FLT4: variants seen among roughly 807,000 people sequenced by gnomAD.
The protein encoded by FLT4 is vascular endothelial growth factor receptor 3.
FLT4 carries 30 observed loss-of-function variants against 163.2 expected under a neutral mutation model. The ratio of observed to expected loss-of-function variants is 0.18; its 90% confidence interval spans 0.14 to 0.25. The LOEUF is 0.25. Ranked by LOEUF, FLT4 falls within the 10% of genes least tolerant of loss-of-function variation. The pLI is 1.00. For synonymous variants in FLT4, 884 were observed against 789.5 expected (o/e 1.12, Z -2.01); for missense variants, 1,510 against 1,863.8 (o/e 0.81, Z 3.50).
intron 1 of FLT4, 137 bp downstream of exon 1, chr5:180,649,351 T>A: frequency 2.0e-6 from 1 of 495,214 alleles, no homozygotes; most frequent in Non-Finnish European, 3.1e-6. Context: ...CGTGCTCCCC[T>A]CAGGCGTCCG....
At chr5:180,608,517 CCA>C (rs1347622673) in intron 29 of FLT4, among the ~76,000 whole-genome samples, 1 of 152,128 alleles carries the variant, frequency 6.6e-6, no homozygotes, top group Non-Finnish European at 1.5e-5. Flanking sequence ...TCTCTTATCT[CCA>C]CACACGGGGA....
rs1763172445 is a variant in FLT4, at chr5:180,621,843, C to T, written c.1719G>A (p.Pro573=). Residue 573 remains proline, a synonymous_variant, in exon 13 of 30, where the codon CCG becomes CCA. Coordinates refer to ENST00000261937, the MANE Select transcript of FLT4 (RefSeq NM_182925.5). ...TGTCGGCTTGGCAGCTCAGGAGCAC[C>T]GGCTGGCCCTCTAGTAGCTCCTCGG... is the stretch of plus-strand genomic sequence containing the variant. ...KPSEELLEGQ[P]VLLSCQADSY... is the part of the protein sequence containing the mutation. 3 of 1,613,170 alleles carry T rather than the reference C, an allele frequency of 1.9e-6. No homozygotes were observed. The highest frequency in any genetic ancestry group is 1.1e-5 in the South Asian group (1 of 91,092).
chr5:180,621,063 G>A (rs1416848911), intron 14 of FLT4, 43 bp downstream of exon 14: 14 of 1,612,216 alleles, frequency 8.7e-6, no homozygotes, highest in Middle Eastern at 1.6e-4. Context: ...CGTCGGCCTC[G>A]CGGGCCTCCG....
At chr5:180,637,719 G>A (rs546661952) in intron 1 of FLT4, among the ~76,000 whole-genome samples, 114 of 152,210 alleles carry the variant, frequency 7.5e-4, no homozygotes, top group African/African-American at 2.5e-3. Flanking sequence ...TTTAGTAGAC[G>A]GGGCTTCTCC....
At chr5:180,604,644 C>T (rs886392893) in intron 29 of FLT4, among the ~76,000 whole-genome samples, 2 of 152,180 alleles carry the variant, frequency 1.3e-5, no homozygotes, top group East Asian at 1.9e-4. Context: ...CTCTGCCTGC[C>T]CTATCATGCA....
At chr5:180,627,308 G>T (rs1325950158) in intron 8 of FLT4, among the ~76,000 whole-genome samples, 1 of 152,208 alleles carries the variant, frequency 6.6e-6, no homozygotes, top group African/African-American at 2.4e-5. Flanking sequence ...AGGGGCCCGG[G>T]GGGAGTGCCT....
intron 1 of FLT4, among the ~76,000 whole-genome samples, chr5:180,648,017 C>G (rs537711992): frequency 6.6e-6 from 1 of 152,324 alleles, no homozygotes; most frequent in South Asian, 2.1e-4. Flanking sequence ...CCGGGTCTCT[C>G]TCTTCCTCTC....
chr5:180,615,783 C>T (rs1337626534), intron 23 of FLT4, among the ~76,000 whole-genome samples: 2 of 15,164 alleles, frequency 1.3e-4, no homozygotes, highest in African/African-American at 3.0e-4. Flanking sequence ...CACTGGGCCC[C>T]GCCGGTCACC....
intron 1 of FLT4, among the ~76,000 whole-genome samples, chr5:180,646,330 T>C (rs1581721070): frequency 1.3e-5 from 2 of 152,174 alleles, no homozygotes; most frequent in African/African-American, 4.8e-5. Context: ...TTGCAGTTCC[T>C]GTCTCCCCTG....
In FLT4 at chr5:180,603,010, G is replaced by A; in HGVS notation, c.*182C>T. The stretch of plus-strand genomic sequence containing the variant: ...GTGGCCCTGGCCAGTCGTGGTGACG[G>A]AATTCCGGGAGCCTTGGGCCTGGAG... On this transcript the variant is annotated 3_prime_UTR_variant, in exon 30 of 30. Coordinates refer to ENST00000261937, the MANE Select transcript of FLT4 (RefSeq NM_182925.5). The A allele has an allele frequency of 1.5e-6, 1 of 651,936 alleles. No homozygotes were observed. Among genetic ancestry groups the A allele is most frequent in the Non-Finnish European group, 2.7e-6 (1 of 371,968 alleles). The allele number at this position is 651,936 out of a possible 1,614,324, so 40.4% of individuals were successfully genotyped here.
chr5:180,628,307 G>C (rs1185992665), intron 8 of FLT4, among the ~76,000 whole-genome samples: 1 of 152,336 alleles, frequency 6.6e-6, no homozygotes, highest in South Asian at 2.1e-4. Flanking sequence ...AGCCAGCGGA[G>C]ACAGGGCCAC....
chr5:180,604,250 C>T (rs1329442451), intron 29 of FLT4, among the ~76,000 whole-genome samples: 1 of 152,062 alleles, frequency 6.6e-6, no homozygotes, highest in African/African-American at 2.4e-5. Flanking sequence ...TCTGTCTTGC[C>T]CATCTCAGTG....
At chr5:180,649,296 C>A (rs1765634726) in intron 1 of FLT4, among the ~76,000 whole-genome samples, 192 bp downstream of exon 1, 1 of 151,946 alleles carries the variant, frequency 6.6e-6, no homozygotes, top group Admixed American at 6.5e-5. Context: ...CGGCTGCGGT[C>A]CCCGCCCGCC....
chr5:180,649,361 G>C (rs1346088469), intron 1 of FLT4, 127 bp downstream of exon 1: 1 of 563,612 alleles, frequency 1.8e-6, no homozygotes, highest in Non-Finnish European at 2.7e-6. Flanking sequence ...TCAGGCGTCC[G>C]CGCACCAGGG....
chr5:180,609,070 A>G lies in FLT4; in HGVS notation c.3808-17T>C. ...CTGGTTGTCCTGTGTGGAGAGGACA[A>G]GCCAGGCTGTGGGTCCCGCCTGAGG... On this transcript the variant is annotated splice_polypyrimidine_tract_variant and intron_variant, in intron 28 of 29. Coordinates refer to ENST00000261937, the MANE Select transcript of FLT4 (RefSeq NM_182925.5). The G allele has an allele frequency of 1.2e-6, 2 of 1,612,978 alleles. No homozygotes were observed. The highest frequency in any genetic ancestry group is 1.7e-6 in the Non-Finnish European group (2 of 1,178,942).
At chr5:180,648,400 T>C (rs953827188) in intron 1 of FLT4, among the ~76,000 whole-genome samples, 1 of 152,190 alleles carries the variant, frequency 6.6e-6, no homozygotes, top group East Asian at 1.9e-4. Flanking sequence ...ACACATGTCC[T>C]TGGTCTAAGC....
intron 1 of FLT4, among the ~76,000 whole-genome samples, chr5:180,633,738 G>A (rs553475546): frequency 2.0e-5 from 3 of 152,180 alleles, no homozygotes; most frequent in Non-Finnish European, 4.4e-5. Context: ...GGAGTGGGTG[G>A]TGGTCTGTCC....
At chr5:180,641,970 A>G (rs1765150653) in intron 1 of FLT4, among the ~76,000 whole-genome samples, 1 of 151,968 alleles carries the variant, frequency 6.6e-6, no homozygotes, top group South Asian at 2.1e-4. Flanking sequence ...GCACTTTGGG[A>G]GGCCAAGGTG....
chr5:180,609,314 A>G, intron 28 of FLT4: 1 of 564,246 alleles, frequency 1.8e-6, no homozygotes, highest in Non-Finnish European at 3.2e-6. Context: ...CACGGTGGCC[A>G]AGCATATGCT....
Sources: allele counts gnomAD v4.1 joint callset (sites outside exome capture counted in the v4.1 genomes callset), GRCh38; gene constraint gnomAD v4.1.1; transcripts MANE v1.5; gene names NCBI Gene and HGNC (gene_info 2026-07-23, HGNC 2026-07-21).